The following P2RX6 variants were observed in gnomAD, a reference collection of about 807,000 sequenced individuals.
The protein encoded by P2RX6 is P2X purinoceptor 6.
A neutral mutation model predicts 54.2 loss-of-function variants in P2RX6; 62 were observed. The ratio of observed to expected loss-of-function variants is 1.14; its 90% CI spans 0.93 to 1.41. P2RX6 has a LOEUF of 1.41. Among genes scored for constraint, P2RX6 ranks in the 40% most tolerant of loss-of-function variants. The probability of loss-of-function intolerance (pLI) is 0.00; values close to 1 mark genes in which losing one functional copy is unlikely to be tolerated. For synonymous variants in P2RX6, 211 were observed against 231.9 expected (o/e 0.91, Z 0.82); for missense variants, 541 against 566.3 (o/e 0.96, Z 0.45).
chr22:21,023,610 C>A lies in P2RX6; in HGVS notation c.882C>A (p.Tyr294Ter). Residue 294 changes from tyrosine (Y) to a stop codon, truncating the protein, a stop_gained, in exon 8 of 12, where the codon TAC (tyrosine) becomes TAA (stop). Coordinates refer to ENST00000413302, the MANE Select transcript of P2RX6 (RefSeq NM_005446.5). LOFTEE classifies it high-confidence loss of function. ...HYSFQLQEKS[Y>*]NFRTATHWWE... ...CCTTCCAGCTGCAGGAGAAGAGCTA[C>A]AACTTCAGGTGAGGCCCCACTGCTC... The A allele has an allele frequency of 1.2e-6, 2 of 1,604,750 alleles. No homozygotes were observed.
At chr22:21,022,850 T>G (rs549126488) in intron 4 of P2RX6, 92 bp from the exon 5 acceptor site, 1 of 1,480,394 alleles carries the variant, frequency 6.8e-7, no homozygotes, top group South Asian at 1.2e-5. Flanking sequence ...CCTCTGTCCC[T>G]GCATCTCTCT....
At position 21,026,286 on chromosome 22, in the gene P2RX6, T is replaced by C; in HGVS notation, c.1085T>C (p.Val362Ala). The change falls in exon 11 of 12, where the codon GTG becomes GCG. Residue 362 changes from valine (V) to alanine (A), a missense_variant. Around this residue, in one of 2 missense-constraint regions of P2RX6, gnomAD observed 526 missense variants for 531.5 expected, o/e 0.99. Coordinates refer to ENST00000413302, the MANE Select transcript of P2RX6 (RefSeq NM_005446.5). The surrounding 1 kb of genome is among the most constrained non-coding windows in gnomAD (Gnocchi z 4.0). Reference protein sequence around the residue: ...TFFCDLLLLYVDREAHFYWRT... With the variant: ...TFFCDLLLLYADREAHFYWRT... Reference sequence around the variant, plus strand: ...TTCTGTGACCTGCTACTGCTGTATGTGGATAGAGAAGCCCATTTCTACTGG... The same window carrying C: ...TTCTGTGACCTGCTACTGCTGTATGCGGATAGAGAAGCCCATTTCTACTGG... The C allele has an allele frequency of 2.5e-6, 4 of 1,606,808 alleles. No individual in the cohort carries two copies. Among genetic ancestry groups the C allele is most frequent in the Non-Finnish European group, 3.4e-6 (4 of 1,177,058 alleles).
chr22:21,019,915 A>C (rs1387867152), intron 3 of P2RX6, among the ~76,000 whole-genome samples: 4 of 152,246 alleles, frequency 2.6e-5, no homozygotes, highest in Non-Finnish European at 5.9e-5. Context: ...GAACGCCTTT[A>C]AGCGGTTTTC....
At position 21,025,992 on chromosome 22, in the gene P2RX6, C is replaced by T. The variant is rs779390414; in HGVS notation, c.985-19C>T. The T allele has an allele frequency of 6.2e-7, 1 of 1,605,580 alleles. No individual in the cohort carries two copies. The highest frequency in any genetic ancestry group is 1.7e-5 in the Admixed American group (1 of 58,752). ...GCTGACAGTCGTGGGCTGAGAGGTT[C>T]AGCTCAGATCTCTCTCAGGCAGGGA... On this transcript the variant is annotated intron_variant, in intron 9 of 11. Transcript: ENST00000413302.
chr22:21,012,380 A>G (rs915532449), upstream of P2RX6: 6 of 314,476 alleles, frequency 1.9e-5, no homozygotes, highest in Non-Finnish European at 3.7e-5. Context: ...CACCCCACAT[A>G]CCCCCTCCTG....
intron 8 of P2RX6, among the ~76,000 whole-genome samples, chr22:21,025,097 T>C (rs1453349522): frequency 6.6e-6 from 1 of 151,768 alleles, no homozygotes; most frequent in Non-Finnish European, 1.5e-5. Context: ...GTCAGGCTGG[T>C]CTCGAACTCC....
intron 8 of P2RX6, among the ~76,000 whole-genome samples, chr22:21,025,266 C>T (rs990461747): frequency 4.6e-5 from 7 of 152,162 alleles, no homozygotes; most frequent in African/African-American, 1.4e-4. Flanking sequence ...AGCGTCACCT[C>T]GTCATGCAGG....
At chr22:21,024,568 G>A (rs1601776107) in intron 8 of P2RX6, among the ~76,000 whole-genome samples, 1 of 151,878 alleles carries the variant, frequency 6.6e-6, no homozygotes, top group East Asian at 1.9e-4. Context: ...GAGCCACCAC[G>A]CCCGACCTTT....
chr22:21,015,528 C>T (rs1926189250), intron 1 of P2RX6, among the ~76,000 whole-genome samples, 190 bp downstream of exon 1: 1 of 152,060 alleles, frequency 6.6e-6, no homozygotes, highest in Admixed American at 6.5e-5. Context: ...GTGTGTTTGT[C>T]CTGTGTGTCC....
chr22:21,018,238 T>G, intron 3 of P2RX6, 178 bp downstream of exon 3: 1 of 606,144 alleles, frequency 1.6e-6, no homozygotes. Flanking sequence ...ACATATCCCC[T>G]GCCTGGTAGG....
chr22:21,015,884 T>TC, intron 1 of P2RX6, 58 bp from the exon 2 acceptor site: 1 of 1,521,588 alleles, frequency 6.6e-7, no homozygotes, highest in South Asian at 1.2e-5. Flanking sequence ...AGGGCTCAGC[T>TC]CCGCCCCTGT....
At chr22:21,018,756 G>A (rs1926861406) in intron 3 of P2RX6, 1 of 151,130 alleles carries the variant, frequency 6.6e-6, no homozygotes, top group South Asian at 2.1e-4. Context: ...GGTACTACAG[G>A]CGCCTGCCAC....
chr22:21,020,594 CTTTTTTTTTTTT>C (rs966307828), intron 3 of P2RX6, among the ~76,000 whole-genome samples: 6 of 112,994 alleles, frequency 5.3e-5, no homozygotes, highest in African/African-American at 2.0e-4. Context: ...TTTTTTTTTT[CTTTTTTTTTTTT>C]TTGAGACAGA....
upstream of P2RX6, chr22:21,012,405 C>G (rs923972269): frequency 2.7e-6 from 1 of 366,542 alleles, no homozygotes; most frequent in Non-Finnish European, 5.2e-6. Context: ...GAGGCCCCTC[C>G]TCTATCCACC....
intron 3 of P2RX6, among the ~76,000 whole-genome samples, chr22:21,019,373 T>C (rs1031310499): frequency 7.9e-5 from 12 of 152,198 alleles, no homozygotes; most frequent in Non-Finnish European, 1.5e-4. Flanking sequence ...TGGAGTTCAA[T>C]GGCACGATCT....
At chr22:21,011,682 C>T, upstream of P2RX6, 1 of 661,036 alleles carries the variant, frequency 1.5e-6, no homozygotes, top group Admixed American at 2.2e-5. Flanking sequence ...ACCTCCAGGT[C>T]TGAGGCAGAG....
chr22:21,026,523 C>T lies in P2RX6; in HGVS notation c.1232C>T (p.Pro411Leu). The T allele has an allele frequency of 6.3e-7, 1 of 1,591,684 alleles. No homozygotes were observed. The highest frequency in any genetic ancestry group is 8.5e-7 in the Non-Finnish European group (1 of 1,169,832). ...ECLRRSSAPA[P>L]TATAAGSQTQ... ...CTCAGACGGAGCTCAGCACCTGCAC[C>T]CACGGCCACTGCTGCTGGGAGTCAG... Residue 411 changes from proline (P) to leucine (L), a missense_variant, in exon 12 of 12, where the codon CCC (proline) becomes CTC (leucine). Physicochemically the swap from Pro to Leu is moderately conservative, Grantham distance 98. Coordinates refer to ENST00000413302, the MANE Select transcript of P2RX6 (RefSeq NM_005446.5). The surrounding 1 kb of genome is among the most constrained non-coding windows in gnomAD (Gnocchi z 4.0).
rs772366946 is a variant in P2RX6, at chr22:21,015,224, C to T, written c.50C>T (p.Thr17Met). The T allele has an allele frequency of 2.4e-5, 37 of 1,534,560 alleles. No homozygotes were observed. The highest frequency in any genetic ancestry group is 5.1e-5 in the East Asian group (2 of 38,976). The change falls in exon 1 of 12, where the codon ACG becomes ATG. Residue 17 changes from threonine to methionine, a missense_variant. Transcript: ENST00000413302. Reference protein sequence around the residue: ...GAGSMGSPGATTGWGLLDYKT... With the variant: ...GAGSMGSPGAMTGWGLLDYKT... The stretch of plus-strand genomic sequence containing the variant: ...GGCAGCATGGGCTCCCCAGGGGCTA[C>T]GACAGGCTGGGGGCTTCTGGATTAT...
At chr22:21,010,911 C>T (rs1289662865), upstream of P2RX6, among the ~76,000 whole-genome samples, 1 of 151,860 alleles carries the variant, frequency 6.6e-6, no homozygotes, top group Non-Finnish European at 1.5e-5. Context: ...CACTGTTCCT[C>T]TGCTTGAAAT....
Sources: gnomAD v4.1 joint callset for allele counts (sites outside exome capture counted in the v4.1 genomes callset) on GRCh38, gnomAD v4.1.1 for gene constraint, gnomAD v4.1.1 regional missense constraint, Gnocchi (gnomAD v3.1) non-coding constraint, MANE v1.5 for transcripts, NCBI Gene and HGNC (gene_info 2026-07-23, HGNC 2026-07-21) for gene names.